The following CFI variants were observed in gnomAD, a reference collection of about 807,000 sequenced individuals.
The protein encoded by CFI is complement factor I.
CFI carries 66 observed loss-of-function variants against 78.8 expected under a neutral mutation model. That is an observed-to-expected ratio of 0.84 (90% CI 0.69 to 1.03). The LOEUF (loss-of-function observed/expected upper bound fraction) is 1.03. Among genes scored for constraint, CFI ranks in the 50% least tolerant of loss-of-function variants. CFI has a pLI of 0.00. For synonymous variants in CFI, 250 were observed against 232.6 expected (o/e 1.07, Z -0.68); for missense variants, 706 against 704.5 (o/e 1.00, Z -0.02).
intron 1 of CFI, among the ~76,000 whole-genome samples, chr4:109,776,569 C>T (rs1729270256): frequency 6.6e-6 from 1 of 152,230 alleles, no homozygotes; most frequent in Admixed American, 6.5e-5. Context: ...CCCAGGAGAA[C>T]TTCCCCAACC....
At chr4:109,738,403 C>T (rs1561278920), downstream of CFI, among the ~76,000 whole-genome samples, 2 of 152,278 alleles carry the variant, frequency 1.3e-5, no homozygotes, top group South Asian at 2.1e-4. Context: ...TGATCCACTG[C>T]GCCCAGCCAC....
intron 12 of CFI, 94 bp downstream of exon 12, chr4:109,742,397 G>A: frequency 1.2e-6 from 1 of 833,448 alleles, no homozygotes; most frequent in South Asian, 1.4e-5. Flanking sequence ...AGGGAATTAG[G>A]GCCCAAAGCA....
chr4:109,749,843 A>G (rs1055707943), intron 8 of CFI, among the ~76,000 whole-genome samples: 6 of 152,206 alleles, frequency 3.9e-5, no homozygotes, highest in Admixed American at 2.6e-4. Flanking sequence ...TAGTGGCAGA[A>G]AAGGGCTGGC....
chr4:109,795,416 G>T (rs1254287296), intron 1 of CFI, among the ~76,000 whole-genome samples: 1 of 152,190 alleles, frequency 6.6e-6, no homozygotes, highest in Non-Finnish European at 1.5e-5. Context: ...AGAGGTGGCT[G>T]CTTCTTCAAA....
At chr4:109,759,263 A>AG (rs1340534480) in intron 6 of CFI, among the ~76,000 whole-genome samples, 2 of 104,044 alleles carry the variant, frequency 1.9e-5, no homozygotes, top group Non-Finnish European at 5.0e-5. Flanking sequence ...TAAAAAAAAA[A>AG]AAAATAATAA....
In CFI at chr4:109,766,720, G is replaced by T; in HGVS notation, c.162C>A (p.Cys54Ter). The change falls in exon 2 of 13, where the codon TGC (cysteine) becomes TGA (stop). Residue 54 changes from cysteine (C) to a stop codon, truncating the protein, a stop_gained. Coordinates refer to ENST00000394634, the MANE Select transcript of CFI (RefSeq NM_000204.5). LOFTEE classifies it high-confidence loss of function. Reference sequence around the variant, plus strand: ...GTTTACAAACACAGGTGCCCTCAATGCATCTCTGCCATGGCTGGCAGAAGA... The same window carrying T: ...GTTTACAAACACAGGTGCCCTCAATTCATCTCTGCCATGGCTGGCAGAAGA... ...DKVFCQPWQR[C>*]IEGTCVCKLP... The T allele has an allele frequency of 6.2e-7, 1 of 1,614,174 alleles. No homozygotes were observed. The highest frequency in any genetic ancestry group is 8.5e-7 in the Non-Finnish European group (1 of 1,180,028).
In CFI at chr4:109,746,473, C is replaced by A. The variant is rs747425772; in HGVS notation, c.1178G>T (p.Trp393Leu). ...RASKTHRYQIWTTVVDWIHPD... is the reference protein window; with the variant it reads ...RASKTHRYQILTTVVDWIHPD... ...GTGTATCCAGTCTACTACTGTTGTCCATATTTGGTAACGATGAGTTTTACT... is the reference window on the plus strand; with the variant it reads ...GTGTATCCAGTCTACTACTGTTGTCAATATTTGGTAACGATGAGTTTTACT... The change falls in exon 11 of 13, where the codon TGG becomes TTG. Residue 393 changes from tryptophan (W) to leucine (L), a missense_variant. Physicochemically the swap from Trp to Leu is moderately conservative, Grantham distance 61. Transcript: ENST00000394634. The A allele has an allele frequency of 6.2e-7, 1 of 1,612,142 alleles. No homozygotes were observed. The highest frequency in any genetic ancestry group is 8.5e-7 in the Non-Finnish European group (1 of 1,179,254).
chr4:109,767,707 T>C (rs1022547629), intron 1 of CFI, among the ~76,000 whole-genome samples: 4 of 150,668 alleles, frequency 2.7e-5, no homozygotes, highest in African/African-American at 4.9e-5. Flanking sequence ...GTTCAACCAT[T>C]GTGGAAGTCA....
intron 1 of CFI, among the ~76,000 whole-genome samples, chr4:109,779,819 A>T (rs1179329459): frequency 3.9e-5 from 6 of 152,190 alleles, no homozygotes; most frequent in Non-Finnish European, 5.9e-5. Flanking sequence ...GAGGCCTCAG[A>T]AATAATACTA....
intron 1 of CFI, among the ~76,000 whole-genome samples, chr4:109,779,534 A>G (rs1202003308): frequency 1.3e-5 from 2 of 152,216 alleles, no homozygotes; most frequent in South Asian, 2.1e-4. Flanking sequence ...GGAAGAATCA[A>G]TATTGTGAAA....
chr4:109,749,674 T>A, intron 8 of CFI, 72 bp from the exon 9 acceptor site: 1 of 939,144 alleles, frequency 1.1e-6, no homozygotes, highest in Non-Finnish European at 1.7e-6. Context: ...TTCTTGATTA[T>A]CTATGCCACA....
chr4:109,745,091 C>T (rs1176202479), intron 11 of CFI, among the ~76,000 whole-genome samples: 2 of 152,142 alleles, frequency 1.3e-5, no homozygotes, highest in African/African-American at 4.8e-5. Context: ...AAGACCAATG[C>T]AATGAAGGTA....
intron 6 of CFI, 63 bp downstream of exon 6, chr4:109,760,207 A>G (rs1373517627): frequency 1.7e-6 from 2 of 1,149,130 alleles, no homozygotes; most frequent in African/African-American, 3.0e-5. Flanking sequence ...CTTTACCTAA[A>G]GAAAAGTTTC....
chr4:109,761,841 C>A, intron 3 of CFI, 149 bp from the exon 4 acceptor site: 1 of 668,508 alleles, frequency 1.5e-6, no homozygotes, highest in Non-Finnish European at 2.6e-6. Flanking sequence ...CTCTGAGCCT[C>A]AGTACCTTCA....
chr4:109,733,362 C>T, the CFI span, among the ~76,000 whole-genome samples: 1 of 152,194 alleles, frequency 6.6e-6, no homozygotes, highest in African/African-American at 2.4e-5. Context: ...TTACAGGACA[C>T]TTTCATCTAA....
At chr4:109,787,859 A>AT (rs1236959959) in intron 1 of CFI, among the ~76,000 whole-genome samples, 18 of 152,016 alleles carry the variant, frequency 1.2e-4, no homozygotes, top group Non-Finnish European at 1.9e-4. Context: ...AATTTTGTCT[A>AT]TTTTTTAAAT....
chr4:109,768,622 C>T (rs895764729), intron 1 of CFI, among the ~76,000 whole-genome samples: 2 of 152,096 alleles, frequency 1.3e-5, no homozygotes, highest in South Asian at 4.1e-4. Context: ...AGCCAATCTG[C>T]GAAGAAAAGC....
At chr4:109,733,004 C>A in the CFI span, among the ~76,000 whole-genome samples, 34 of 151,270 alleles carry the variant, frequency 2.2e-4, no homozygotes, top group Non-Finnish European at 3.4e-4. Context: ...TTGAGTCTGG[C>A]TCTGTTGCCC....
At chr4:109,754,494 C>CATTCTAGAACATTTCTGT (rs1289155676) in intron 7 of CFI, among the ~76,000 whole-genome samples, 1 of 150,794 alleles carries the variant, frequency 6.6e-6, no homozygotes, top group African/African-American at 2.4e-5. Flanking sequence ...TTTGCTCTGC[C>CATTCTAGAACATTTCTGT]ATTCTAGAAC....
Sources: gnomAD v4.1 joint callset for allele counts (sites outside exome capture counted in the v4.1 genomes callset) on GRCh38, gnomAD v4.1.1 for gene constraint, MANE v1.5 for transcripts, NCBI Gene and HGNC (gene_info 2026-07-23, HGNC 2026-07-21) for gene names.